Variants in RANBP17 observed in about 807,000 individuals in gnomAD.
RANBP17 encodes the protein ran-binding protein 17.
Under a neutral mutation model 141.2 loss-of-function variants are expected in RANBP17, and 158 were observed. The ratio of observed to expected loss-of-function variants is 1.12; its 90% CI spans 0.98 to 1.28. The LOEUF is 1.28. RANBP17 is among the 50% of genes most tolerant of loss of function. The pLI, the probability that RANBP17 is intolerant of heterozygous loss-of-function variation, is 0.00. For synonymous variants in RANBP17, 430 were observed against 450.0 expected (o/e 0.96, Z 0.56); for missense variants, 1,438 against 1,290.7 (o/e 1.11, Z -1.75).
chr5:171,138,601 G>C (rs1757476578), intron 14 of RANBP17, among the ~76,000 whole-genome samples: 1 of 149,460 alleles, frequency 6.7e-6, no homozygotes, highest in Non-Finnish European at 1.5e-5. Flanking sequence ...GAGAACGAAA[G>C]CAACAGTGAA....
rs535934284 is a variant in RANBP17 at position 171,245,045 on chromosome 5, C to T, written c.2776+2225C>T. 6.6e-5 allele frequency among the ~76,000 whole-genome samples: 10 copies of T among 151,952 alleles called. No individual in the cohort carries two copies. In the South Asian group the frequency reaches 1.9e-3, roughly 29 times the overall value. On this transcript the variant is annotated intron_variant, in intron 24 of 27. Transcript: ENST00000523189. ...CCAGGAGGCTGAAGCAGGAGAATGG[C>T]GTGCACCTGGGAGGCGGAGCTTGCA...
intron 14 of RANBP17, among the ~76,000 whole-genome samples, chr5:171,108,472 G>A (rs1432744442): frequency 2.6e-5 from 4 of 152,098 alleles, no homozygotes; most frequent in South Asian, 2.1e-4. Context: ...GAGTGCAGTG[G>A]TACAAACACA....
intron 14 of RANBP17, among the ~76,000 whole-genome samples, chr5:170,969,107 G>T (rs1352990352): frequency 6.6e-6 from 1 of 151,522 alleles, no homozygotes; most frequent in Admixed American, 6.6e-5. Context: ...CATTTTAGCT[G>T]TTTTATCTTA....
chr5:170,957,107 A>ACACACGCGCG (rs542213195), intron 13 of RANBP17, among the ~76,000 whole-genome samples: 2 of 150,420 alleles, frequency 1.3e-5, no homozygotes, highest in South Asian at 4.3e-4. Context: ...ACACACACAC[A>ACACACGCGCG]CGCGCACACT....
At chr5:170,963,058 AC>A (rs1196904395) in intron 13 of RANBP17, among the ~76,000 whole-genome samples, 68 of 152,210 alleles carry the variant, frequency 4.5e-4, no homozygotes, top group Non-Finnish European at 7.6e-4. Context: ...ATTTTATGCA[AC>A]CATTAAAAAC....
At chr5:171,141,432 T>TA (rs760388998) in intron 14 of RANBP17, among the ~76,000 whole-genome samples, 304 of 130,230 alleles carry the variant, frequency 2.3e-3, no homozygotes, top group South Asian at 4.2e-3. Context: ...CCATCTCTAC[T>TA]AAAAAAAAAA....
At chr5:171,242,305 C>T (rs1764926095) in intron 23 of RANBP17, among the ~76,000 whole-genome samples, 1 of 152,068 alleles carries the variant, frequency 6.6e-6, no homozygotes, top group African/African-American at 2.4e-5. Context: ...GACTATGGTG[C>T]CAAATCCCAT....
intron 22 of RANBP17, among the ~76,000 whole-genome samples, chr5:171,233,103 G>A (rs953978084): frequency 6.6e-6 from 1 of 152,166 alleles, no homozygotes; most frequent in Non-Finnish European, 1.5e-5. Context: ...CACTTTGGGA[G>A]GCTGATGCAG....
intron 14 of RANBP17, among the ~76,000 whole-genome samples, chr5:170,975,260 G>A (rs778416936): frequency 3.3e-5 from 5 of 152,184 alleles, no homozygotes; most frequent in Non-Finnish European, 7.3e-5. Context: ...TGGGCGTGGT[G>A]GCTCACACCT....
intron 13 of RANBP17, among the ~76,000 whole-genome samples, chr5:170,967,075 C>T (rs1318291427): frequency 6.6e-6 from 1 of 152,136 alleles, no homozygotes; most frequent in Non-Finnish European, 1.5e-5. Context: ...ACATTCCATG[C>T]TCATATAATG....
intron 11 of RANBP17, among the ~76,000 whole-genome samples, chr5:170,922,618 A>C (rs1197981544): frequency 2.0e-5 from 3 of 152,114 alleles, no homozygotes; most frequent in African/African-American, 7.2e-5. Context: ...CGTGGGACCC[A>C]CTGAGCCAGG....
chr5:171,204,624 C>G (rs559864806), intron 19 of RANBP17, among the ~76,000 whole-genome samples: 1 of 152,078 alleles, frequency 6.6e-6, no homozygotes, highest in Non-Finnish European at 1.5e-5. Context: ...CTCTTTGTTC[C>G]GACATTCTAG....
chr5:170,896,206 T>G (rs1581081493), intron 5 of RANBP17, 91 bp downstream of exon 5: 1 of 871,432 alleles, frequency 1.1e-6, no homozygotes, highest in East Asian at 2.6e-5. Context: ...ATAGACAGCC[T>G]TCATTTTGTG....
intron 3 of RANBP17, among the ~76,000 whole-genome samples, chr5:170,887,919 A>G (rs1274259742): frequency 6.6e-6 from 1 of 152,184 alleles, no homozygotes; most frequent in Non-Finnish European, 1.5e-5. Flanking sequence ...AACCATTCAT[A>G]TGGGCAAAGC....
chr5:170,938,920 A>G (rs1355353604), intron 12 of RANBP17, among the ~76,000 whole-genome samples: 4 of 152,222 alleles, frequency 2.6e-5, no homozygotes, highest in African/African-American at 9.6e-5. Flanking sequence ...AATAGAAGAC[A>G]TGAGTTCATC....
At chr5:171,027,098 G>C (rs967327085) in intron 14 of RANBP17, among the ~76,000 whole-genome samples, 1 of 152,132 alleles carries the variant, frequency 6.6e-6, no homozygotes, top group African/African-American at 2.4e-5. Context: ...ATCCGTCCAG[G>C]GAAAAATTTG....
intron 14 of RANBP17, among the ~76,000 whole-genome samples, chr5:171,103,446 T>TC (rs1176059786): frequency 6.6e-6 from 1 of 151,978 alleles, no homozygotes; most frequent in South Asian, 2.1e-4. Flanking sequence ...TGGATTCCCC[T>TC]CCCCCCACAA....
At chr5:170,932,350 C>T (rs1773463914) in intron 12 of RANBP17, among the ~76,000 whole-genome samples, 1 of 152,156 alleles carries the variant, frequency 6.6e-6, no homozygotes, top group Non-Finnish European at 1.5e-5. Flanking sequence ...ATGTCATCTG[C>T]AAACAGGGAC....
chr5:171,181,258 G>A (rs1561738217), intron 16 of RANBP17, among the ~76,000 whole-genome samples: 1 of 152,116 alleles, frequency 6.6e-6, no homozygotes, highest in Non-Finnish European at 1.5e-5. Flanking sequence ...AGACCAGCAT[G>A]ACCAACGTAG....
Sources: allele counts gnomAD v4.1 joint callset (sites outside exome capture counted in the v4.1 genomes callset), GRCh38; gene constraint gnomAD v4.1.1; transcripts MANE v1.5; gene names NCBI Gene and HGNC (gene_info 2026-07-23, HGNC 2026-07-21).